RIPOR3: variants seen among roughly 807,000 people sequenced by gnomAD.
The protein encoded by RIPOR3 is RIPOR family member 3.
In RIPOR3, 95 loss-of-function variants were observed where a neutral mutation model predicts 114.3. That is an observed-to-expected ratio of 0.83 (90% CI 0.70 to 0.99). RIPOR3 has a LOEUF of 0.99. Ranked by LOEUF, RIPOR3 falls within the 50% of genes least tolerant of loss-of-function variation. The probability of loss-of-function intolerance (pLI) is 0.00; values close to 1 mark genes in which losing one functional copy is unlikely to be tolerated. For missense variants in RIPOR3, 1,252 were observed against 1,266.9 expected, an observed-to-expected ratio of 0.99 and a Z score of 0.18; for synonymous variants, 575 against 543.8, an observed-to-expected ratio of 1.06 and a Z score of -0.80.
chr20:50,593,071 C>A lies in RIPOR3; in HGVS notation c.2338G>T (p.Asp780Tyr). 1 of 1,614,120 alleles carries A rather than the reference C, an allele frequency of 6.2e-7. No individual in the cohort carries two copies. Among genetic ancestry groups the A allele is most frequent in the African/African-American group, 1.3e-5 (1 of 75,060 alleles). ...AGCTGGGTGAAGTGCTTCTCCAGGT[C>A]AGAGACGCTCTGCCTCTGCAGGTAG... ...HSYLQRQSVSDLEKHFTQLTK... is the reference protein window; with the variant it reads ...HSYLQRQSVSYLEKHFTQLTK... Residue 780 changes from aspartate to tyrosine, a missense_variant, in exon 18 of 22, where the codon GAC (aspartate) becomes TAC (tyrosine). Physicochemically the swap from Asp to Tyr is radical, Grantham distance 160 (BLOSUM62 -3). Coordinates refer to ENST00000327979, the MANE Select transcript of RIPOR3 (RefSeq NM_001290268.2).
intron 16 of RIPOR3, chr20:50,595,132 A>G (rs2083243906): frequency 7.0e-6 from 4 of 569,994 alleles, no homozygotes; most frequent in Non-Finnish European, 1.2e-5. Flanking sequence ...AGGCTCAGAG[A>G]TGTGAATCAT....
chr20:50,616,348 T>C (rs2084172532), intron 3 of RIPOR3, among the ~76,000 whole-genome samples: 1 of 152,068 alleles, frequency 6.6e-6, no homozygotes, highest in African/African-American at 2.4e-5. Flanking sequence ...TTTCTTTACT[T>C]ATTTATTGTT....
chr20:50,674,152 A>C (rs547482029), intron 1 of RIPOR3, among the ~76,000 whole-genome samples: 7 of 152,156 alleles, frequency 4.6e-5, no homozygotes, highest in Non-Finnish European at 8.8e-5. Flanking sequence ...TGGGCCAGGA[A>C]AGAGCATATG....
chr20:50,682,610 A>ATGTGTGTGTGTGTGTGTG (rs1230359539), intron 1 of RIPOR3, among the ~76,000 whole-genome samples: 2 of 13,490 alleles, frequency 1.5e-4, no homozygotes, highest in African/African-American at 2.3e-4. Flanking sequence ...CTGTCTCAAA[A>ATGTGTGTGTGTGTGTGTG]TATGTGTGTG....
At chr20:50,590,996 G>T (rs2083088509) in intron 19 of RIPOR3, among the ~76,000 whole-genome samples, 1 of 152,054 alleles carries the variant, frequency 6.6e-6, no homozygotes, top group Non-Finnish European at 1.5e-5. Flanking sequence ...TAGTTTTCAG[G>T]AACTACAGAA....
rs752588954 is a variant in RIPOR3 at position 50,620,128 on chromosome 20, A to G, written c.127T>C (p.Ser43Pro). The G allele has an allele frequency of 1.2e-6, 2 of 1,613,698 alleles. No individual in the cohort carries two copies. The highest frequency in any genetic ancestry group is 4.5e-5 in the East Asian group (2 of 44,862). ...GATCTCACGGAGTTCCTGTTGATGGACTTTCTGTGAGAAGGGTTGGAGGGC... is the reference window on the plus strand; with the variant it reads ...GATCTCACGGAGTTCCTGTTGATGGGCTTTCTGTGAGAAGGGTTGGAGGGC... ...SSAQSRRIAK[S>P]INRNSVRSRM... Residue 43 changes from serine to proline, a missense_variant, in exon 3 of 22, where the codon TCC becomes CCC. Ser to Pro is a moderately conservative substitution (Grantham distance 74, BLOSUM62 -1). Transcript: ENST00000327979.
At chr20:50,647,275 G>T (rs929269943) in intron 1 of RIPOR3, among the ~76,000 whole-genome samples, 8 of 151,902 alleles carry the variant, frequency 5.3e-5, no homozygotes, top group Non-Finnish European at 1.2e-4. Context: ...AGCCAGGATC[G>T]CATCACTGTA....
intron 1 of RIPOR3, among the ~76,000 whole-genome samples, chr20:50,677,471 G>A (rs4811091): frequency 0.49 from 73,321 of 148,840 alleles, 21,140 homozygotes; most frequent in Middle Eastern, 0.64. Flanking sequence ...TCCCGGGTTC[G>A]AGCGATTCTT....
intron 14 of RIPOR3, among the ~76,000 whole-genome samples, chr20:50,596,534 GCT>G (rs1238568212): frequency 6.6e-6 from 1 of 152,200 alleles, no homozygotes; most frequent in African/African-American, 2.4e-5. Flanking sequence ...ACTCATCCCA[GCT>G]CTGTGACGCT....
At chr20:50,644,073 T>C (rs1050239623) in intron 1 of RIPOR3, among the ~76,000 whole-genome samples, 14 of 151,602 alleles carry the variant, frequency 9.2e-5, no homozygotes, top group Non-Finnish European at 1.3e-4. Flanking sequence ...TGAGCCAGGA[T>C]TGTGCCACTG....
intron 1 of RIPOR3, among the ~76,000 whole-genome samples, chr20:50,631,752 T>C (rs1297354552): frequency 7.2e-5 from 11 of 152,232 alleles, no homozygotes; most frequent in Admixed American, 7.2e-4. Flanking sequence ...GGCTGTCTTC[T>C]CTTTTTTCCA....
Position 50,602,381 on chromosome 20 carries a change from GGGGTCCTCCCGA to G in RIPOR3, c.1338_1349del (p.Arg447_Pro450del). 1 of 1,613,176 alleles carries G rather than the reference GGGGTCCTCCCGA, an allele frequency of 6.2e-7. No homozygotes were observed. The highest frequency in any genetic ancestry group is 8.5e-7 in the Non-Finnish European group (1 of 1,179,834). The stretch of plus-strand genomic sequence containing the variant: ...TCTCTGGCAGGAGACCTGGGGGCAG[GGGGTCCTCCCGA>G]GCCTCCTCTTCAATGGAGGCGTGGG... On this transcript the variant is annotated inframe_deletion, in exon 13 of 22. Coordinates refer to ENST00000327979, the MANE Select transcript of RIPOR3 (RefSeq NM_001290268.2). The surrounding 1 kb of genome is among the most constrained non-coding windows in gnomAD (Gnocchi z 4.3).
chr20:50,663,739 T>C (rs2086087091), intron 1 of RIPOR3, among the ~76,000 whole-genome samples: 1 of 152,112 alleles, frequency 6.6e-6, no homozygotes, highest in Non-Finnish European at 1.5e-5. Flanking sequence ...ACTCTCTACT[T>C]TCTGGCTTCC....
chr20:50,611,918 G>A (rs951091581), intron 4 of RIPOR3, among the ~76,000 whole-genome samples: 1 of 152,056 alleles, frequency 6.6e-6, no homozygotes, highest in Non-Finnish European at 1.5e-5. Context: ...GAGGTCAGGA[G>A]TTTAAGTCCA....
At chr20:50,678,158 T>C (rs777736776) in intron 1 of RIPOR3, among the ~76,000 whole-genome samples, 2 of 152,038 alleles carry the variant, frequency 1.3e-5, no homozygotes, top group Non-Finnish European at 2.9e-5. Flanking sequence ...GTGGCTGATA[T>C]AGCAAAGTGT....
At position 50,602,185 on chromosome 20, in the gene RIPOR3, C is replaced by G. The variant is rs2083522056; in HGVS notation, c.1546G>C (p.Ala516Pro). 1 of 1,613,318 alleles carries G rather than the reference C, an allele frequency of 6.2e-7. No individual in the cohort carries two copies. The highest frequency in any genetic ancestry group is 2.2e-5 in the East Asian group (1 of 44,860). ...ACCTCCTGCAGAGGCCCCTCGAGGG[C>G]CACGCCAGGCCCGTCCTCTCTGTCC... ...TGDREDGPGVALEGPLQEVLE... is the reference protein window; with the variant it reads ...TGDREDGPGVPLEGPLQEVLE... The change falls in exon 13 of 22, where the codon GCC (alanine) becomes CCC (proline). Residue 516 changes from alanine to proline, a missense_variant. Coordinates refer to ENST00000327979, the MANE Select transcript of RIPOR3 (RefSeq NM_001290268.2). The surrounding 1 kb of genome is among the most constrained non-coding windows in gnomAD (Gnocchi z 4.3).
intron 1 of RIPOR3, among the ~76,000 whole-genome samples, chr20:50,681,535 C>T (rs1467312408): frequency 6.6e-6 from 1 of 152,210 alleles, no homozygotes; most frequent in African/African-American, 2.4e-5. Context: ...TGTGTAATTT[C>T]AGGCAAGTCA....
rs2084797012 is a variant in RIPOR3, at chr20:50,630,847, T to C, written c.13A>G (p.Met5Val). The change falls in exon 2 of 22, where the codon ATG (methionine) becomes GTG (valine). Residue 5 changes from methionine to valine, a missense_variant. Physicochemically the swap from Met to Val is conservative, Grantham distance 21 (BLOSUM62 1). Transcript: ENST00000327979. Reference sequence around the variant, plus strand: ...GACAGGAACCGCAACCTCACCGACATGGTGGTCACCTGCAAGGAGAGGACA... The same window carrying C: ...GACAGGAACCGCAACCTCACCGACACGGTGGTCACCTGCAAGGAGAGGACA... Reference protein sequence around the residue: MVTTMSVRLRFLSPG... With the variant: MVTTVSVRLRFLSPG... 4 of 1,601,926 alleles carry C rather than the reference T, an allele frequency of 2.5e-6. No individual in the cohort carries two copies. Among genetic ancestry groups the C allele is most frequent in the Non-Finnish European group, 3.4e-6 (4 of 1,174,804 alleles).
In RIPOR3 at chr20:50,587,895, G is replaced by A. The variant is rs765379666; in HGVS notation, c.2662-3C>T. On this transcript the variant is annotated splice_region_variant and splice_polypyrimidine_tract_variant and intron_variant, in intron 20 of 21. Coordinates refer to ENST00000327979, the MANE Select transcript of RIPOR3 (RefSeq NM_001290268.2). ...GTCTGGTCGATGCTTTCAATGCCCTGTTCGAGATTAGGAGAAAAAGAACCC... is the reference window on the plus strand; with the variant it reads ...GTCTGGTCGATGCTTTCAATGCCCTATTCGAGATTAGGAGAAAAAGAACCC... 6.2e-7 allele frequency: 1 copy of A among 1,614,022 alleles called. No individual in the cohort carries two copies.
Sources: allele counts gnomAD v4.1 joint callset (sites outside exome capture counted in the v4.1 genomes callset), GRCh38; gene constraint gnomAD v4.1.1; non-coding constraint Gnocchi (gnomAD v3.1); transcripts MANE v1.5; gene names NCBI Gene and HGNC (gene_info 2026-07-23, HGNC 2026-07-21).